The following CELF1 variants were observed in gnomAD, a reference collection of about 807,000 sequenced individuals.
The protein encoded by CELF1 is CUGBP Elav-like family member 1.
Under a neutral mutation model 61.8 loss-of-function variants are expected in CELF1, and 10 were observed. The observed-to-expected ratio is 0.16, with a 90% CI of 0.10 to 0.27. CELF1 has a LOEUF of 0.27. Among genes scored for constraint, CELF1 ranks in the 10% least tolerant of loss-of-function variants. The probability of loss-of-function intolerance (pLI) is 1.00; values close to 1 mark genes in which losing one functional copy is unlikely to be tolerated. For missense variants in CELF1, 380 were observed against 639.1 expected (o/e 0.59, Z 4.37); for synonymous variants, 236 against 225.1 (o/e 1.05, Z -0.43).
At chr11:47,500,162 C>T (rs1048822760) in intron 2 of CELF1, among the ~76,000 whole-genome samples, 1 of 150,790 alleles carries the variant, frequency 6.6e-6, no homozygotes, top group African/African-American at 2.4e-5. Context: ...AAACTTACCA[C>T]TCACATACAA....
chr11:47,523,285 T>A (rs1033435700), intron 1 of CELF1: 3 of 152,178 alleles, frequency 2.0e-5, no homozygotes, highest in African/African-American at 7.2e-5. Context: ...TGCCACTGAT[T>A]TTAATCTCCA....
chr11:47,560,741 A>T (rs2097222377), intron 2 of CELF1, among the ~76,000 whole-genome samples: 1 of 152,222 alleles, frequency 6.6e-6, no homozygotes, highest in Non-Finnish European at 1.5e-5. Context: ...TACCTCAATA[A>T]AGCTGTTCCC....
At chr11:47,476,984 T>G (rs1276284266) in intron 11 of CELF1, 25 bp from the exon 12 acceptor site, 1 of 1,578,470 alleles carries the variant, frequency 6.3e-7, no homozygotes. Flanking sequence ...GGAGTTAAAA[T>G]TCAACCCATC....
intron 1 of CELF1, among the ~76,000 whole-genome samples, chr11:47,518,946 T>G (rs940342453): frequency 6.6e-6 from 1 of 152,240 alleles, no homozygotes; most frequent in Non-Finnish European, 1.5e-5. Context: ...TTTCAGGAGC[T>G]TTGCCCTGTT....
At position 47,545,850 on chromosome 11, in the gene CELF1, CGTGT is replaced by C. The variant is rs1206141521; in HGVS notation, c.-154+7138_-154+7141del. On this transcript the variant is annotated intron_variant, in intron 1 of 14. Coordinates refer to ENST00000687097, the MANE Select transcript of CELF1 (RefSeq NM_001376376.1). ...CCAGCCCCTCTCTCTCATATGTATA[CGTGT>C]GTGTGTGTGTGTCTGCGTGTGTGTG... Among the ~76,000 whole-genome samples the C allele has an allele frequency of 1.3e-4, 16 of 124,130 alleles. No homozygotes were observed. The South Asian group carries it at 2.1e-3, about 17-fold the overall frequency. 81.4% of individuals were successfully genotyped at this position (124,130 alleles called of 152,430 possible).
At position 47,468,693 on chromosome 11, in the gene CELF1, A is replaced by C. The variant is rs775835336; in HGVS notation, c.*3537T>G. The C allele has an allele frequency of 3.9e-5, 6 of 152,432 alleles. No individual in the cohort carries two copies. Among genetic ancestry groups the C allele is most frequent in the Non-Finnish European group, 8.8e-5 (6 of 68,000 alleles). The allele number at this position is 152,432 out of a possible 1,614,324, so 9.4% of individuals were successfully genotyped here. ...AAACCAATTTGGCAGCACAAAAGGA[A>C]AAAAAAAGGAAAGAAAAAAAGAAAA... On this transcript the variant is annotated 3_prime_UTR_variant, in exon 15 of 15. Coordinates refer to ENST00000687097, the MANE Select transcript of CELF1 (RefSeq NM_001376376.1).
chr11:47,515,795 ACAAC>A (rs2095519554), intron 1 of CELF1, among the ~76,000 whole-genome samples: 1 of 152,260 alleles, frequency 6.6e-6, no homozygotes, highest in South Asian at 2.1e-4. Context: ...CCTGGGTTCC[ACAAC>A]CAACCACTGG....
At chr11:47,541,793 C>CA (rs2096804918) in intron 1 of CELF1, among the ~76,000 whole-genome samples, 1 of 13,834 alleles carries the variant, frequency 7.2e-5, no homozygotes, top group Admixed American at 8.5e-4. Context: ...AAAGAAAGAA[C>CA]GAAAGAAAGA....
At chr11:47,474,087 T>C (rs1451023873) in intron 13 of CELF1, among the ~76,000 whole-genome samples, 2 of 152,120 alleles carry the variant, frequency 1.3e-5, no homozygotes, top group Non-Finnish European at 2.9e-5. Flanking sequence ...TTAGTAGCGA[T>C]GGGGTTTCAC....
At chr11:47,520,480 G>C (rs1478083612) in intron 1 of CELF1, among the ~76,000 whole-genome samples, 2 of 152,152 alleles carry the variant, frequency 1.3e-5, no homozygotes, top group African/African-American at 4.8e-5. Context: ...CCCCTTGTAA[G>C]GGCATCTCCG....
intron 1 of CELF1, among the ~76,000 whole-genome samples, chr11:47,530,860 C>T (rs532002871): frequency 2.0e-4 from 31 of 151,982 alleles, no homozygotes; most frequent in African/African-American, 6.8e-4. Flanking sequence ...GAGGTTGAGG[C>T]GGGAGGATTG....
At chr11:47,533,607 A>T (rs577847388) in intron 1 of CELF1, among the ~76,000 whole-genome samples, 1 of 150,922 alleles carries the variant, frequency 6.6e-6, no homozygotes, top group South Asian at 2.1e-4. Flanking sequence ...TGGGCTACAG[A>T]GCGAGACTCC....
intron 1 of CELF1, among the ~76,000 whole-genome samples, chr11:47,527,250 A>C (rs901338909): frequency 6.6e-6 from 1 of 151,308 alleles, no homozygotes; most frequent in Admixed American, 6.6e-5. Flanking sequence ...AATTAGCCGG[A>C]CATGGTGGCA....
intron 1 of CELF1, among the ~76,000 whole-genome samples, chr11:47,518,056 T>TA (rs1319909913): frequency 6.6e-6 from 1 of 152,026 alleles, no homozygotes; most frequent in Non-Finnish European, 1.5e-5. Flanking sequence ...TCCTACCACT[T>TA]AAAAAAAGGA....
chr11:47,511,656 G>A (rs931227573), intron 1 of CELF1, among the ~76,000 whole-genome samples: 1 of 152,088 alleles, frequency 6.6e-6, no homozygotes, highest in African/African-American at 2.4e-5. Context: ...CCTGTTTTGG[G>A]TGCTTTACAT....
intron 2 of CELF1, among the ~76,000 whole-genome samples, chr11:47,563,785 C>T (rs1047145898): frequency 3.3e-5 from 5 of 152,096 alleles, no homozygotes; most frequent in African/African-American, 1.2e-4. Flanking sequence ...CTTTGGAAGG[C>T]CGAGGGGGAC....
In CELF1 at chr11:47,543,822, G is replaced by A. The variant is rs2096868749; in HGVS notation, c.-154+9170C>T. 2.0e-5 allele frequency among the ~76,000 whole-genome samples: 3 copies of A among 152,164 alleles called. No homozygotes were observed. In the South Asian group the frequency reaches 6.2e-4, roughly 32 times the overall value. On this transcript the variant is annotated intron_variant, in intron 1 of 14. Transcript: ENST00000687097. Reference sequence around the variant, plus strand: ...CTCTTGATACAATATAGTTTACAAAGCAAATAGCTAAAACTGATTAAGTCT... The same window carrying A: ...CTCTTGATACAATATAGTTTACAAAACAAATAGCTAAAACTGATTAAGTCT...
chr11:47,539,160 TAGC>T (rs1392697941), intron 1 of CELF1, among the ~76,000 whole-genome samples: 1 of 152,168 alleles, frequency 6.6e-6, no homozygotes, highest in Non-Finnish European at 1.5e-5. Context: ...CTATCTGAAA[TAGC>T]AGTATTATTT....
At chr11:47,537,593 A>T (rs1396048713) in intron 1 of CELF1, among the ~76,000 whole-genome samples, 1 of 151,928 alleles carries the variant, frequency 6.6e-6, no homozygotes, top group African/African-American at 2.4e-5. Flanking sequence ...AAAGCTGCTT[A>T]CATTTTTTTT....
Sources: gnomAD v4.1 joint callset for allele counts (sites outside exome capture counted in the v4.1 genomes callset) on GRCh38, gnomAD v4.1.1 for gene constraint, MANE v1.5 for transcripts, NCBI Gene and HGNC (gene_info 2026-07-23, HGNC 2026-07-21) for gene names.